The following FRMPD4 variants were observed in gnomAD, a reference collection of about 807,000 sequenced individuals.
FRMPD4 encodes the protein FERM and PDZ domain-containing protein 4.
Under a neutral mutation model 94.1 loss-of-function variants are expected in FRMPD4, and 22 were observed. The ratio of observed to expected loss-of-function variants is 0.23; its 90% confidence interval spans 0.17 to 0.33. FRMPD4 has a LOEUF of 0.33. FRMPD4 is among the 10% of genes least tolerant of loss of function. FRMPD4 has a pLI of 1.00. For synonymous variants in FRMPD4, 631 were observed against 548.6 expected (o/e 1.15, Z -2.10); for missense variants, 1,111 against 1,339.9 (o/e 0.83, Z 2.67).
chrX:12,012,499 C>T (rs1471586809), intron 3 of FRMPD4, among the ~76,000 whole-genome samples: 4 of 111,844 alleles, frequency 3.6e-5, no homozygotes, highest in Non-Finnish European at 7.5e-5. Flanking sequence ...TTTTTCTTAG[C>T]TCTTCATTTA....
At chrX:12,639,710 G>A (rs2059476436) in intron 4 of FRMPD4, among the ~76,000 whole-genome samples, 1 of 112,256 alleles carries the variant, frequency 8.9e-6, no homozygotes, top group Non-Finnish European at 1.9e-5. Flanking sequence ...ATTAATATAT[G>A]TGAGTATATA....
At chrX:11,849,277 T>A (rs185541189) in intron 1 of FRMPD4, among the ~76,000 whole-genome samples, 123 of 111,572 alleles carry the variant, frequency 1.1e-3, no homozygotes, top group Non-Finnish European at 1.6e-3. Context: ...CTACAAAACA[T>A]TGCTGAAAGA....
chrX:12,070,319 T>G (rs1260444667), intron 3 of FRMPD4, among the ~76,000 whole-genome samples: 1 of 111,178 alleles, frequency 9.0e-6, no homozygotes, highest in East Asian at 2.8e-4. Context: ...CTTCTTGATG[T>G]GAGAGGTGTT....
intron 3 of FRMPD4, among the ~76,000 whole-genome samples, chrX:12,033,826 T>G (rs1211415034): frequency 4.5e-5 from 5 of 111,907 alleles, no homozygotes; most frequent in African/African-American, 1.3e-4. Context: ...GCCTCCCGAG[T>G]AGCTGGGATT....
intron 4 of FRMPD4, among the ~76,000 whole-genome samples, chrX:12,620,956 CA>C (rs2059282067): frequency 8.9e-6 from 1 of 112,170 alleles, no homozygotes; most frequent in Non-Finnish European, 1.9e-5. Flanking sequence ...TGCAGTGACT[CA>C]AGTTTGTAAT....
chrX:12,490,235 C>T (rs982111363), intron 1 of FRMPD4, among the ~76,000 whole-genome samples: 1 of 110,400 alleles, frequency 9.1e-6, no homozygotes, highest in Non-Finnish European at 1.9e-5. Context: ...TAAACCATTC[C>T]CACGATAACA....
At chrX:12,590,626 C>A in intron 2 of FRMPD4, among the ~76,000 whole-genome samples, 1 of 112,126 alleles carries the variant, frequency 8.9e-6, no homozygotes, top group Non-Finnish European at 1.9e-5. Flanking sequence ...TAAATTATAT[C>A]CTTATTTGCG....
intron 3 of FRMPD4, among the ~76,000 whole-genome samples, chrX:12,116,833 T>C (rs1423142310): frequency 8.9e-6 from 1 of 112,301 alleles, no homozygotes; most frequent in Non-Finnish European, 1.9e-5. Flanking sequence ...TATGTGCTTG[T>C]TAAATAATTA....
intron 3 of FRMPD4, among the ~76,000 whole-genome samples, chrX:12,069,573 G>A (rs764862776): frequency 1.8e-5 from 2 of 111,707 alleles, no homozygotes; most frequent in East Asian, 5.7e-4. Flanking sequence ...TATGAATCTG[G>A]TGTTCTGACA....
At chrX:11,917,666 A>T (rs2147342042) in intron 3 of FRMPD4, among the ~76,000 whole-genome samples, 1 of 111,859 alleles carries the variant, frequency 8.9e-6, no homozygotes, top group East Asian at 2.8e-4. Context: ...TCTCATTTAT[A>T]AGTGGGAGCT....
intron 1 of FRMPD4, among the ~76,000 whole-genome samples, chrX:12,391,347 C>T (rs758433457): frequency 1.1e-4 from 12 of 112,055 alleles, no homozygotes; most frequent in Non-Finnish European, 2.3e-4. Context: ...TACCTACAGA[C>T]ATCTGTGAAA....
intron 1 of FRMPD4, among the ~76,000 whole-genome samples, chrX:11,851,433 C>T (rs1414501138): frequency 9.0e-6 from 1 of 111,169 alleles, no homozygotes. Flanking sequence ...TGCCCCCTGA[C>T]TTTTATGTCA....
intron 16 of FRMPD4, among the ~76,000 whole-genome samples, chrX:12,720,078 GAAAGAGAA>G (rs1258356821): frequency 6.1e-5 from 6 of 97,665 alleles, no homozygotes; most frequent in Non-Finnish European, 1.3e-4. Flanking sequence ...AAGAAAGAAA[GAAAGAGAA>G]AGAAAGAAAG....
chrX:12,273,040 G>C (rs2054378003), intron 1 of FRMPD4, among the ~76,000 whole-genome samples: 1 of 107,827 alleles, frequency 9.3e-6, no homozygotes, highest in Non-Finnish European at 1.9e-5. Flanking sequence ...TTGCACCACT[G>C]TACTCTAGCC....
At chrX:12,063,373 G>C (rs1569151633) in intron 3 of FRMPD4, among the ~76,000 whole-genome samples, 2 of 111,017 alleles carry the variant, frequency 1.8e-5, no homozygotes, top group Admixed American at 9.6e-5. Flanking sequence ...CATTTCAAAA[G>C]AAACAAACAA....
At chrX:11,822,552 A>C (rs2053418665) in exon 1 of FRMPD4, among the ~76,000 whole-genome samples, 1 of 112,170 alleles carries the variant, frequency 8.9e-6, no homozygotes, top group Admixed American at 9.4e-5. Context: ...GGGGTCACAC[A>C]AAGAAAAAGA....
At chrX:12,070,145 G>C (rs775070754) in intron 3 of FRMPD4, among the ~76,000 whole-genome samples, 1 of 110,410 alleles carries the variant, frequency 9.1e-6, no homozygotes, top group East Asian at 2.9e-4. Flanking sequence ...AGGATGCATA[G>C]ATGAGAGACA....
chrX:12,144,217 G>A (rs1042300666), intron 1 of FRMPD4, among the ~76,000 whole-genome samples: 4 of 112,136 alleles, frequency 3.6e-5, no homozygotes. Context: ...AATGGAGGTA[G>A]GCTGTATCAA....
chrX:12,156,656 TCAA>T (rs1041788608), intron 1 of FRMPD4, among the ~76,000 whole-genome samples: 6 of 112,179 alleles, frequency 5.3e-5, no homozygotes, highest in African/African-American at 1.9e-4. Flanking sequence ...CAAATTATCT[TCAA>T]CAAGCATGTA....
Sources: allele counts gnomAD v4.1 joint callset (sites outside exome capture counted in the v4.1 genomes callset), GRCh38; gene constraint gnomAD v4.1.1; transcripts MANE v1.5; gene names NCBI Gene and HGNC (gene_info 2026-07-23, HGNC 2026-07-21).